GPR39: variants seen among roughly 807,000 people sequenced by gnomAD.
GPR39 encodes G protein-coupled receptor 39, also known as zinc sensing receptor.
A neutral mutation model predicts 18.4 loss-of-function variants in GPR39; 23 were observed. The ratio of observed to expected loss-of-function variants is 1.25; its 90% confidence interval spans 0.90 to 1.77. The LOEUF (loss-of-function observed/expected upper bound fraction) is 1.77, where lower values mean the gene tolerates loss of function less well. Ranked by LOEUF, GPR39 falls within the 40% of genes most tolerant of loss-of-function variation. GPR39 has a pLI of 0.00. For missense variants in GPR39, 647 were observed against 602.4 expected (o/e 1.07, Z -0.78); for synonymous variants, 280 against 257.9 (o/e 1.09, Z -0.82).
Position 132,628,594 on chromosome 2 carries a change from A to G in GPR39, c.857-16507A>G, listed in dbSNP as rs946500473. Among the ~76,000 whole-genome samples, 5 of 152,316 alleles carry G rather than the reference A, an allele frequency of 3.3e-5. No homozygotes were observed. The East Asian group carries it at 9.7e-4, about 29-fold the overall frequency. On this transcript the variant is annotated intron_variant, in intron 1 of 1. Transcript: ENST00000329321. ...CTATCTATGCACATCTTTCTGGGAA[A>G]GAGGATAACTGTTTTTTCTCCTTTA...
chr2:132,460,541 T>C (rs1680811993), intron 1 of GPR39, among the ~76,000 whole-genome samples: 1 of 152,110 alleles, frequency 6.6e-6, no homozygotes. Context: ...GATAAAATAG[T>C]AATTCAAACC....
chr2:132,612,725 T>C (rs1055677801), intron 1 of GPR39, among the ~76,000 whole-genome samples: 2 of 152,262 alleles, frequency 1.3e-5, no homozygotes, highest in African/African-American at 4.8e-5. Flanking sequence ...TCTTCATTAT[T>C]GTAACTTTAT....
At chr2:132,451,174 T>TGTGTGTGTGTGTGCGC (rs3219552) in intron 1 of GPR39, among the ~76,000 whole-genome samples, 8 of 150,354 alleles carry the variant, frequency 5.3e-5, no homozygotes, top group Admixed American at 1.3e-4. Context: ...TGTGTGTGTG[T>TGTGTGTGTGTGTGCGC]GCACGCGCGT....
At chr2:132,550,690 T>TA (rs1680027228) in intron 1 of GPR39, among the ~76,000 whole-genome samples, 1 of 152,206 alleles carries the variant, frequency 6.6e-6, no homozygotes, top group African/African-American at 2.4e-5. Context: ...AGTTATCCAG[T>TA]CTAACTTCAT....
intron 1 of GPR39, among the ~76,000 whole-genome samples, chr2:132,467,848 C>T (rs1053578596): frequency 3.9e-5 from 6 of 152,162 alleles, no homozygotes; most frequent in Non-Finnish European, 7.3e-5. Context: ...TTTATTTACT[C>T]TTCATACCCC....
rs1331240973 is a variant in GPR39, at chr2:132,508,680, G to A, written c.856+90782G>A. Among the ~76,000 whole-genome samples the A allele has an allele frequency of 6.6e-5, 10 of 152,298 alleles. No individual in the cohort carries two copies. In the East Asian group the frequency reaches 1.2e-3, roughly 18 times the overall value. ...ATCTGTAAATCAGCTGCCGTTTAAA[G>A]CAGTTAGCAGTCACTTACCACCATG... On this transcript the variant is annotated intron_variant, in intron 1 of 1. Coordinates refer to ENST00000329321, the MANE Select transcript of GPR39 (RefSeq NM_001508.3).
At chr2:132,628,558 ACTACT>A (rs1335361490) in intron 1 of GPR39, among the ~76,000 whole-genome samples, 2 of 152,118 alleles carry the variant, frequency 1.3e-5, no homozygotes, top group African/African-American at 4.8e-5. Context: ...GCGACCTGAA[ACTACT>A]CTATTCTATC....
At chr2:132,513,705 G>A (rs1390435197) in intron 1 of GPR39, among the ~76,000 whole-genome samples, 3 of 152,132 alleles carry the variant, frequency 2.0e-5, no homozygotes, top group Non-Finnish European at 4.4e-5. Flanking sequence ...TTTTCAGTTC[G>A]AATATTAAAA....
intron 1 of GPR39, among the ~76,000 whole-genome samples, chr2:132,507,861 G>A (rs1245213613): frequency 6.6e-6 from 1 of 152,186 alleles, no homozygotes. Flanking sequence ...GCAGAGGAGA[G>A]TCCCAAACAT....
At chr2:132,417,950 CG>C in intron 1 of GPR39, 52 bp downstream of exon 1, 1 of 1,525,814 alleles carries the variant, frequency 6.6e-7, no homozygotes, top group South Asian at 1.2e-5. Flanking sequence ...CCTTCCCCCA[CG>C]ACCCGTGCCA....
chr2:132,441,871 G>A (rs1329773937), intron 1 of GPR39, among the ~76,000 whole-genome samples: 1 of 152,196 alleles, frequency 6.6e-6, no homozygotes, highest in Non-Finnish European at 1.5e-5. Flanking sequence ...GCAGAGGGGA[G>A]ATCTTGCCGT....
chr2:132,421,855 G>GTTCC (rs1055069306), intron 1 of GPR39, among the ~76,000 whole-genome samples: 13 of 152,098 alleles, frequency 8.5e-5, no homozygotes, highest in African/African-American at 3.1e-4. Context: ...GAGGGTAGAG[G>GTTCC]GGAATGAGAT....
At chr2:132,441,823 T>C (rs1185815853) in intron 1 of GPR39, among the ~76,000 whole-genome samples, 1 of 152,250 alleles carries the variant, frequency 6.6e-6, no homozygotes, top group Non-Finnish European at 1.5e-5. Flanking sequence ...GGGTTTTATA[T>C]GACTGAAAGT....
At chr2:132,489,857 C>G (rs528938867) in intron 1 of GPR39, among the ~76,000 whole-genome samples, 2 of 152,064 alleles carry the variant, frequency 1.3e-5, no homozygotes, top group South Asian at 4.1e-4. Flanking sequence ...TAGTCAGTTA[C>G]TGACAGCTGA....
chr2:132,478,132 C>T (rs547280769), intron 1 of GPR39, among the ~76,000 whole-genome samples: 1 of 152,326 alleles, frequency 6.6e-6, no homozygotes, highest in East Asian at 1.9e-4. Context: ...ATTACAATGA[C>T]TCTTTAAAAA....
At chr2:132,473,241 C>G (rs1275546207) in intron 1 of GPR39, among the ~76,000 whole-genome samples, 1 of 152,154 alleles carries the variant, frequency 6.6e-6, no homozygotes, top group African/African-American at 2.4e-5. Flanking sequence ...CCAGCATGCT[C>G]CAAGTCACTG....
rs1346950982 is a variant in GPR39, at chr2:132,624,957, G to A, written c.857-20144G>A. 3.3e-5 allele frequency among the ~76,000 whole-genome samples: 5 copies of A among 152,196 alleles called. No individual in the cohort carries two copies. In the East Asian group the frequency reaches 9.6e-4, roughly 29 times the overall value. On this transcript the variant is annotated intron_variant, in intron 1 of 1. Transcript: ENST00000329321. ...TGCATATACTTAGAAGCAAATTTCT[G>A]GGTCATAGGTTCTGCACATGAACAG...
Position 132,448,438 on chromosome 2 carries a change from C to T in GPR39, c.856+30540C>T, listed in dbSNP as rs943069138. Among the ~76,000 whole-genome samples, 45 of 152,312 alleles carry T rather than the reference C, an allele frequency of 3.0e-4. 1 individual carries two copies. Among genetic ancestry groups the T allele is most frequent in the African/African-American group, 8.4e-4 (35 of 41,566 alleles). On this transcript the variant is annotated intron_variant, in intron 1 of 1. Coordinates refer to ENST00000329321, the MANE Select transcript of GPR39 (RefSeq NM_001508.3). ...TAGGCACATGCAGAGGCAAAGAGGTCTCCTGTCCATGGAAATGTGTTTCAT... is the reference window on the plus strand; with the variant it reads ...TAGGCACATGCAGAGGCAAAGAGGTTTCCTGTCCATGGAAATGTGTTTCAT...
intron 1 of GPR39, among the ~76,000 whole-genome samples, chr2:132,551,598 T>C (rs1392124661): frequency 6.6e-6 from 1 of 152,220 alleles, no homozygotes; most frequent in Admixed American, 6.5e-5. Context: ...TCTTTATACC[T>C]TTAGTGGAAG....
Sources: gnomAD v4.1 joint callset for allele counts (sites outside exome capture counted in the v4.1 genomes callset) on GRCh38, gnomAD v4.1.1 for gene constraint, MANE v1.5 for transcripts, NCBI Gene and HGNC (gene_info 2026-07-23, HGNC 2026-07-21) for gene names.